Variants in AUTS2 observed in about 807,000 individuals in gnomAD.
AUTS2 encodes autism susceptibility gene 2 protein.
AUTS2 carries 17 observed loss-of-function variants against 112.4 expected under a neutral mutation model. That is an observed-to-expected ratio of 0.15 (90% confidence interval 0.10 to 0.23). The LOEUF (loss-of-function observed/expected upper bound fraction) is 0.23. AUTS2 is among the 10% of genes least tolerant of loss of function. AUTS2 has a pLI of 1.00. For synonymous variants in AUTS2, 751 were observed against 702.7 expected (o/e 1.07, Z -1.09); for missense variants, 1,510 against 1,701.6 (o/e 0.89, Z 1.98).
At chr7:70,486,008 TA>T (rs1562985639) in intron 5 of AUTS2, among the ~76,000 whole-genome samples, 2,600 of 151,174 alleles carry the variant, frequency 0.017, 79 homozygotes, top group African/African-American at 0.055. Flanking sequence ...AAATAATAAA[TA>T]AATAAATAAA....
intron 4 of AUTS2, among the ~76,000 whole-genome samples, chr7:70,378,168 G>A (rs971838523): frequency 6.6e-6 from 1 of 152,270 alleles, no homozygotes; most frequent in East Asian, 1.9e-4. Context: ...GTATGGATAT[G>A]CCACATTTTA....
chr7:70,012,016 T>TAAC (rs1799828444), intron 2 of AUTS2, among the ~76,000 whole-genome samples: 1 of 152,174 alleles, frequency 6.6e-6, no homozygotes, highest in African/African-American at 2.4e-5. Context: ...CCCTTAGGCC[T>TAAC]GCCATTCACT....
At chr7:70,148,832 A>T (rs974138345) in intron 4 of AUTS2, among the ~76,000 whole-genome samples, 2 of 152,156 alleles carry the variant, frequency 1.3e-5, no homozygotes, top group African/African-American at 4.8e-5. Context: ...TTATAACAAA[A>T]ATAATGTAAC....
chr7:69,822,037 T>TA (rs1791024453), intron 1 of AUTS2, among the ~76,000 whole-genome samples: 1 of 152,052 alleles, frequency 6.6e-6, no homozygotes, highest in South Asian at 2.1e-4. Context: ...TGAATCTAAT[T>TA]AAAAAATCAG....
intron 2 of AUTS2, among the ~76,000 whole-genome samples, chr7:69,910,040 C>T (rs1018638788): frequency 3.3e-5 from 5 of 152,172 alleles, no homozygotes; most frequent in Non-Finnish European, 7.3e-5. Context: ...TTGCATGGTA[C>T]TTTGTGAAAC....
intron 5 of AUTS2, among the ~76,000 whole-genome samples, chr7:70,492,324 G>A (rs1039915892): frequency 9.4e-6 from 1 of 106,784 alleles, no homozygotes; most frequent in Non-Finnish European, 1.9e-5. Context: ...GTCAGGTCCT[G>A]GCTGTTCATG....
At chr7:70,188,345 A>G (rs999379130) in intron 4 of AUTS2, among the ~76,000 whole-genome samples, 3 of 152,190 alleles carry the variant, frequency 2.0e-5, no homozygotes, top group African/African-American at 7.2e-5. Context: ...GCAGGTAGCT[A>G]GGAAGGGCTA....
At chr7:70,496,930 TCACA>T (rs1198035632) in intron 5 of AUTS2, among the ~76,000 whole-genome samples, 1 of 53,872 alleles carries the variant, frequency 1.9e-5, no homozygotes, top group African/African-American at 7.9e-5. Context: ...ACGTACACAG[TCACA>T]CACACGCACA....
Position 70,117,072 on chromosome 7 carries a change from C to G in AUTS2, c.523-1060C>G, listed in dbSNP as rs373555795. Among the ~76,000 whole-genome samples, 13 of 147,926 alleles carry G rather than the reference C, an allele frequency of 8.8e-5. No individual in the cohort carries two copies. In the East Asian group the frequency reaches 1.2e-3, roughly 13 times the overall value. On this transcript the variant is annotated intron_variant, in intron 2 of 18. Transcript: ENST00000342771. ...CAGAGCTTGTTAAATGTGTGGAAAC[C>G]ACTAGAACGTAAACTTCATGAGATG... is the stretch of plus-strand genomic sequence containing the variant.
At position 69,770,676 on chromosome 7, in the gene AUTS2, G is replaced by T. The variant is rs543298068; in HGVS notation, c.310-128610G>T. ...GACTTTTGTAAATTTCGGAGATAGT[G>T]TGCTTTATATAGCAAGGATTTCCAG... is the stretch of plus-strand genomic sequence containing the variant. On this transcript the variant is annotated intron_variant, in intron 1 of 18. Coordinates refer to ENST00000342771, the MANE Select transcript of AUTS2 (RefSeq NM_015570.4). Among the ~76,000 whole-genome samples, 7 of 152,242 alleles carry T rather than the reference G, an allele frequency of 4.6e-5. No homozygotes were observed. The East Asian group carries it at 1.4e-3, about 29-fold the overall frequency.
chr7:70,385,809 G>C (rs1010450764), intron 4 of AUTS2, among the ~76,000 whole-genome samples: 1 of 152,186 alleles, frequency 6.6e-6, no homozygotes, highest in African/African-American at 2.4e-5. Flanking sequence ...ATTTAGAAAA[G>C]TTGTGTTCCT....
At chr7:70,016,675 T>C (rs1800042438) in intron 2 of AUTS2, among the ~76,000 whole-genome samples, 1 of 151,984 alleles carries the variant, frequency 6.6e-6, no homozygotes, top group Non-Finnish European at 1.5e-5. Context: ...CAGATTTTTT[T>C]TTTTTTTTTT....
rs1797098012 is a variant in AUTS2 at position 69,953,357 on chromosome 7, C to T, written c.522+53859C>T. On this transcript the variant is annotated intron_variant, in intron 2 of 18. Coordinates refer to ENST00000342771, the MANE Select transcript of AUTS2 (RefSeq NM_015570.4). ...TCTGGCAGAATGGAAATCCACGTTT[C>T]TGAATTTAGTATGATTTTTTTTTCT... Among the ~76,000 whole-genome samples, 4 of 152,252 alleles carry T rather than the reference C, an allele frequency of 2.6e-5. No homozygotes were observed. The South Asian group carries it at 8.3e-4, about 32-fold the overall frequency.
intron 5 of AUTS2, among the ~76,000 whole-genome samples, chr7:70,454,204 T>G (rs971400610): frequency 5.9e-5 from 9 of 152,138 alleles, no homozygotes; most frequent in East Asian, 3.9e-4. Context: ...TCTCTTTTTT[T>G]GGGGAAGGTA....
intron 6 of AUTS2, chr7:70,729,256 G>A: frequency 2.2e-6 from 1 of 450,172 alleles, no homozygotes; most frequent in South Asian, 1.6e-5. Context: ...CCCCAGTGCT[G>A]TTCCCCACTA....
chr7:70,570,786 A>G (rs1240790968), intron 5 of AUTS2, among the ~76,000 whole-genome samples: 2 of 151,906 alleles, frequency 1.3e-5, no homozygotes, highest in Non-Finnish European at 2.9e-5. Flanking sequence ...CCCATCTCCC[A>G]TCTGATCTCT....
At chr7:70,367,447 T>C (rs1792629650) in intron 4 of AUTS2, among the ~76,000 whole-genome samples, 1 of 151,470 alleles carries the variant, frequency 6.6e-6, no homozygotes, top group South Asian at 2.1e-4. Flanking sequence ...TCCCAACTAC[T>C]TGGGAGGCTA....
At chr7:70,760,301 G>A (rs889658602) in intron 6 of AUTS2, among the ~76,000 whole-genome samples, 5 of 152,122 alleles carry the variant, frequency 3.3e-5, no homozygotes, top group Non-Finnish European at 4.4e-5. Flanking sequence ...CACCGCACCC[G>A]GCCTACAAAA....
intron 4 of AUTS2, among the ~76,000 whole-genome samples, chr7:70,334,055 G>A (rs1027194634): frequency 1.8e-4 from 27 of 152,088 alleles, no homozygotes; most frequent in African/African-American, 5.6e-4. Flanking sequence ...ATAGAATAAT[G>A]TCTGCAAATA....
Sources: gnomAD v4.1 joint callset for allele counts (sites outside exome capture counted in the v4.1 genomes callset) on GRCh38, gnomAD v4.1.1 for gene constraint, MANE v1.5 for transcripts, NCBI Gene and HGNC (gene_info 2026-07-23, HGNC 2026-07-21) for gene names.